The following KIF20B variants were observed in gnomAD, a reference collection of about 807,000 sequenced individuals.
The protein encoded by KIF20B is kinesin family member 20B, also known as kinesin-like protein KIF20B.
A neutral mutation model predicts 232.5 loss-of-function variants in KIF20B; 188 were observed. The observed-to-expected ratio is 0.81, with a 90% CI of 0.72 to 0.91. The LOEUF (loss-of-function observed/expected upper bound fraction) is 0.91, where lower values mean the gene tolerates loss of function less well. Among genes scored for constraint, KIF20B ranks in the 40% least tolerant of loss-of-function variants. KIF20B has a pLI of 0.00. For missense variants in KIF20B, 2,154 were observed against 2,055.9 expected, an observed-to-expected ratio of 1.05 and a Z score of -0.92; for synonymous variants, 712 against 683.0, an observed-to-expected ratio of 1.04 and a Z score of -0.66.
At chr10:89,703,089 T>C (rs1056048589) in intron 1 of KIF20B, among the ~76,000 whole-genome samples, 8 of 151,908 alleles carry the variant, frequency 5.3e-5, no homozygotes, top group African/African-American at 1.9e-4. Flanking sequence ...ATTTAAAAGA[T>C]TTATCAACAC....
chr10:89,753,332 A>T (rs1160170292), intron 25 of KIF20B, among the ~76,000 whole-genome samples: 1 of 152,174 alleles, frequency 6.6e-6, no homozygotes, highest in Non-Finnish European at 1.5e-5. Flanking sequence ...TAAATTTTTT[A>T]AAATTCTGGC....
intron 29 of KIF20B, among the ~76,000 whole-genome samples, chr10:89,764,262 T>C (rs1842306972): frequency 6.6e-6 from 1 of 152,208 alleles, no homozygotes; most frequent in African/African-American, 2.4e-5. Flanking sequence ...TTCCATGGTG[T>C]ATATGTGCCA....
chr10:89,702,775 A>G (rs899273422), intron 1 of KIF20B, among the ~76,000 whole-genome samples: 33 of 144,894 alleles, frequency 2.3e-4, no homozygotes, highest in Admixed American at 1.4e-3. Flanking sequence ...TTTTTTTGGA[A>G]TAGTATTTTC....
At chr10:89,726,993 TAG>T (rs1463230365) in intron 16 of KIF20B, among the ~76,000 whole-genome samples, 1 of 151,730 alleles carries the variant, frequency 6.6e-6, no homozygotes, top group Non-Finnish European at 1.5e-5. Flanking sequence ...TTCTTTTTTG[TAG>T]AGATGGGATC....
At chr10:89,709,278 T>G (rs1334962317) in intron 3 of KIF20B, 25 bp downstream of exon 3, 1 of 1,592,348 alleles carries the variant, frequency 6.3e-7, no homozygotes, top group Admixed American at 1.7e-5. Context: ...TAATAGAATT[T>G]TAATATTTTA....
chr10:89,717,720 A>C lies in KIF20B; in HGVS notation c.1269A>C (p.Ser423=). 6.3e-7 allele frequency: 1 copy of C among 1,583,158 alleles called. No homozygotes were observed. Among genetic ancestry groups the C allele is most frequent in the Non-Finnish European group, 8.6e-7 (1 of 1,166,238 alleles). Reference sequence around the variant, plus strand: ...ACGTCTTGAAGAATAGTGAAAAGTCAAAGTAAGTGTTTCTGAAAGTGTTAT... The same window carrying C: ...ACGTCTTGAAGAATAGTGAAAAGTCCAAGTAAGTGTTTCTGAAAGTGTTAT... ...CINVLKNSEK[S]KFQQHVPFRE... is the part of the protein sequence containing the mutation. Residue 423 remains serine (S), a splice_region_variant and synonymous_variant, in exon 11 of 33, where the codon TCA becomes TCC. Coordinates refer to ENST00000371728, the MANE Select transcript of KIF20B (RefSeq NM_001284259.2).
In KIF20B at chr10:89,758,735, A is replaced by G; in HGVS notation, c.4533A>G (p.Lys1511=). Reference sequence around the variant, plus strand: ...TACTGACAGCCCAGCTGACAGAGAAAGATAGTGACCTTCAAAAGTGGCGAG... The same window carrying G: ...TACTGACAGCCCAGCTGACAGAGAAGGATAGTGACCTTCAAAAGTGGCGAG... ...MEILTAQLTE[K]DSDLQKWREE... Residue 1511 remains lysine (K), a synonymous_variant, in exon 27 of 33, where the codon AAA becomes AAG. Coordinates refer to ENST00000371728, the MANE Select transcript of KIF20B (RefSeq NM_001284259.2). 1 of 1,603,084 alleles carries G rather than the reference A, an allele frequency of 6.2e-7. No homozygotes were observed. The highest frequency in any genetic ancestry group is 8.5e-7 in the Non-Finnish European group (1 of 1,175,550).
At chr10:89,725,203 A>G in intron 15 of KIF20B, 45 bp downstream of exon 15, 1 of 1,580,658 alleles carries the variant, frequency 6.3e-7, no homozygotes, top group Non-Finnish European at 8.7e-7. Flanking sequence ...AGGTTTTGGT[A>G]CCAGGGTTTA....
At chr10:89,701,825 GTTGC>G (rs1296208764) in intron 1 of KIF20B, 145 bp downstream of exon 1, 1 of 152,186 alleles carries the variant, frequency 6.6e-6, no homozygotes, top group Non-Finnish European at 1.5e-5. Flanking sequence ...CAGGAACTGG[GTTGC>G]GGAGCGATGC....
intron 19 of KIF20B, among the ~76,000 whole-genome samples, chr10:89,736,412 G>A (rs181422253): frequency 9.9e-5 from 15 of 151,494 alleles, no homozygotes; most frequent in Non-Finnish European, 1.9e-4. Context: ...CGTGGGGTGA[G>A]TTTATTTGTC....
intron 26 of KIF20B, among the ~76,000 whole-genome samples, chr10:89,757,171 A>G (rs1415964833): frequency 1.3e-5 from 2 of 151,324 alleles, no homozygotes; most frequent in Non-Finnish European, 3.0e-5. Flanking sequence ...TACCCCAACT[A>G]GTGTTGCAGT....
At chr10:89,709,087 A>G (rs1178908272) in intron 2 of KIF20B, 80 bp from the exon 3 acceptor site, 1 of 889,174 alleles carries the variant, frequency 1.1e-6, no homozygotes, top group Non-Finnish European at 1.8e-6. Flanking sequence ...TTATGTAAAA[A>G]GTAGCCATGT....
intron 21 of KIF20B, among the ~76,000 whole-genome samples, chr10:89,739,865 ACAT>A (rs760971655): frequency 6.6e-6 from 1 of 152,062 alleles, no homozygotes; most frequent in Non-Finnish European, 1.5e-5. Flanking sequence ...TTTATTTTTC[ACAT>A]CATATTTCTG....
At chr10:89,758,467 AAGTTACC>A (rs1372831846) in intron 26 of KIF20B, among the ~76,000 whole-genome samples, 16 of 152,082 alleles carry the variant, frequency 1.1e-4, no homozygotes, top group African/African-American at 3.6e-4. Flanking sequence ...GTATTGAAAG[AAGTTACC>A]AGTAAGCTGA....
In KIF20B at chr10:89,726,387, A is replaced by G. The variant is rs757008979; in HGVS notation, c.2096A>G (p.Tyr699Cys). The change falls in exon 16 of 33, where the codon TAT (tyrosine) becomes TGT (cysteine). Residue 699 changes from tyrosine to cysteine, a missense_variant. By Grantham distance (194) the Tyr-to-Cys change is radical (BLOSUM62 -2). Transcript: ENST00000371728. The stretch of plus-strand genomic sequence containing the variant: ...AAACAGGCTGAAATTGCTCACTTAT[A>G]TATTGCATCTCTTCCTGACCCCCAG... ...IKKQAEIAHL[Y>C]IASLPDPQEA... 1.3e-6 allele frequency: 2 copies of G among 1,574,862 alleles called. No homozygotes were observed. The highest frequency in any genetic ancestry group is 1.4e-5 in the African/African-American group (1 of 73,578).
intron 29 of KIF20B, among the ~76,000 whole-genome samples, chr10:89,765,196 T>C (rs1485528661): frequency 2.0e-5 from 3 of 152,248 alleles, no homozygotes; most frequent in Non-Finnish European, 4.4e-5. Context: ...AAAGATCAGA[T>C]AGTTGTAGAT....
Position 89,716,630 on chromosome 10 carries a change from A to G in KIF20B, c.1052+83A>G, listed in dbSNP as rs1842940530. 4.2e-6 allele frequency: 3 copies of G among 706,546 alleles called. No individual in the cohort carries two copies. In the Admixed American group the frequency reaches 9.1e-5, roughly 21 times the overall value. The allele number at this position is 706,546 out of a possible 1,614,324, so 43.8% of individuals were successfully genotyped here. A position where few individuals can be genotyped will look rare whatever the true frequency, so the allele number is the denominator to read the frequency against. On this transcript the variant is annotated intron_variant, in intron 9 of 32. Transcript: ENST00000371728. ...TTAAACACAGCTAATTTTACATTAA[A>G]GTGGGCAGTAGGTTCTCTCGTGTTA...
At chr10:89,743,461 A>G (rs1564669015) in intron 21 of KIF20B, among the ~76,000 whole-genome samples, 1 of 152,066 alleles carries the variant, frequency 6.6e-6, no homozygotes, top group Non-Finnish European at 1.5e-5. Flanking sequence ...TTGAATCAGT[A>G]TTTTTCTCTC....
chr10:89,711,715 C>T (rs1022630240), intron 6 of KIF20B, among the ~76,000 whole-genome samples: 3 of 151,812 alleles, frequency 2.0e-5, no homozygotes, highest in Non-Finnish European at 4.4e-5. Flanking sequence ...TCTTACTATG[C>T]TTACCATTCT....
Sources: allele counts gnomAD v4.1 joint callset (sites outside exome capture counted in the v4.1 genomes callset), GRCh38; gene constraint gnomAD v4.1.1; transcripts MANE v1.5; gene names NCBI Gene and HGNC (gene_info 2026-07-23, HGNC 2026-07-21).